Variants in ZNF365 observed in about 807,000 individuals in gnomAD.
ZNF365 encodes the protein zinc finger protein 365.
In ZNF365, 22 loss-of-function variants were observed where a neutral mutation model predicts 35.0. That is an observed-to-expected ratio of 0.63 (90% CI 0.45 to 0.90). ZNF365 has a LOEUF of 0.90. Ranked by LOEUF, ZNF365 falls within the 40% of genes least tolerant of loss-of-function variation. The probability of loss-of-function intolerance (pLI) is 0.00; values close to 1 mark genes in which losing one functional copy is unlikely to be tolerated. For missense variants in ZNF365, 448 were observed against 500.3 expected, an observed-to-expected ratio of 0.90 and a Z score of 1.00; for synonymous variants, 188 against 196.2, an observed-to-expected ratio of 0.96 and a Z score of 0.35.
intron 3 of ZNF365, among the ~76,000 whole-genome samples, chr10:62,455,264 A>C (rs775432501): frequency 2.6e-4 from 39 of 152,142 alleles, no homozygotes; most frequent in Non-Finnish European, 2.2e-4. Context: ...AGCCAGGAGG[A>C]TTTTGTAATA....
Position 62,401,200 on chromosome 10 carries a change from T to C in ZNF365, c.*1411T>C, listed in dbSNP as rs1447801182. On this transcript the variant is annotated 3_prime_UTR_variant, in exon 5 of 5. Coordinates refer to ENST00000395254, the MANE Select transcript of ZNF365 (RefSeq NM_014951.3). Reference sequence around the variant, plus strand: ...ATATTAATAATTTATTTTTAAATACTCATGGAGAAAGTGTGTGTTTGTGGT... The same window carrying C: ...ATATTAATAATTTATTTTTAAATACCCATGGAGAAAGTGTGTGTTTGTGGT... The C allele has an allele frequency of 1.0e-6, 1 of 982,296 alleles. No homozygotes were observed. The highest frequency in any genetic ancestry group is 1.8e-5 in the African/African-American group (1 of 57,140). 60.8% of individuals were successfully genotyped at this position (982,296 alleles called of 1,614,324 possible).
chr10:62,473,710 A>T (rs961561881), intron 4 of ZNF365, among the ~76,000 whole-genome samples: 1 of 152,082 alleles, frequency 6.6e-6, no homozygotes, highest in Non-Finnish European at 1.5e-5. Flanking sequence ...GTTACTATTC[A>T]CCTATAAATT....
rs1055746019 is a variant in ZNF365, at chr10:62,400,710, C to T, written c.*921C>T. On this transcript the variant is annotated 3_prime_UTR_variant, in exon 5 of 5. Transcript: ENST00000395254. Reference sequence around the variant, plus strand: ...AAGCCCTTTCCTAAGACCTGCTTCCCGGCCAGTGTCAGTGGCCCTCTCTCT... The same window carrying T: ...AAGCCCTTTCCTAAGACCTGCTTCCTGGCCAGTGTCAGTGGCCCTCTCTCT... 37 of 985,542 alleles carry T rather than the reference C, an allele frequency of 3.8e-5. No homozygotes were observed. Among genetic ancestry groups the T allele is most frequent in the Non-Finnish European group, 4.2e-5 (35 of 830,040 alleles). The allele number at this position is 985,542 out of a possible 1,614,324, so 61.0% of individuals were successfully genotyped here.
At chr10:62,462,655 A>T (rs1840866551) in intron 4 of ZNF365, among the ~76,000 whole-genome samples, 1 of 152,218 alleles carries the variant, frequency 6.6e-6, no homozygotes, top group East Asian at 1.9e-4. Flanking sequence ...ACTCTGTAAG[A>T]CCCAGACTTT....
At chr10:62,392,040 G>C (rs1452451560) in intron 3 of ZNF365, among the ~76,000 whole-genome samples, 1 of 152,112 alleles carries the variant, frequency 6.6e-6, no homozygotes, top group South Asian at 2.1e-4. Context: ...TTGGCCATTT[G>C]TATATCTTCT....
chr10:62,456,136 A>G (rs1255306968), intron 3 of ZNF365, among the ~76,000 whole-genome samples: 1 of 152,180 alleles, frequency 6.6e-6, no homozygotes, highest in Non-Finnish European at 1.5e-5. Context: ...AAATGCTGCT[A>G]CTGTGAACAA....
Position 62,392,723 on chromosome 10 carries a change from C to T in ZNF365, c.924+4147C>T, listed in dbSNP as rs188621135. Among the ~76,000 whole-genome samples, 229 of 152,190 alleles carry T rather than the reference C, an allele frequency of 1.5e-3. 1 individual carries two copies. The highest frequency in any genetic ancestry group is 2.6e-3 in the Non-Finnish European group (178 of 68,006). On this transcript the variant is annotated intron_variant, in intron 3 of 4. Transcript: ENST00000395254. ...TCGGCTCACTGCAACCTCCACCTCT[C>T]GGGTTCAAGTGATTCTCCTGCCTCA...
chr10:62,470,431 G>T (rs1311011608), intron 4 of ZNF365, among the ~76,000 whole-genome samples: 2 of 152,208 alleles, frequency 1.3e-5, no homozygotes, highest in South Asian at 4.1e-4. Flanking sequence ...ATCCAGAAAT[G>T]ATCCCAGGCA....
chr10:62,456,433 C>T (rs1840762172), intron 3 of ZNF365, among the ~76,000 whole-genome samples: 2 of 152,114 alleles, frequency 1.3e-5, no homozygotes. Context: ...CGCCACTCCC[C>T]CACCCCTCTC....
chr10:62,479,870 G>A (rs745520218), intron 4 of ZNF365: 14 of 1,606,136 alleles, frequency 8.7e-6, no homozygotes, highest in African/African-American at 2.7e-5. Flanking sequence ...TGGCTTTTAT[G>A]ACTAGGAGTC....
intron 2 of ZNF365, among the ~76,000 whole-genome samples, chr10:62,385,589 A>C (rs1839512300): frequency 6.6e-6 from 1 of 152,200 alleles, no homozygotes; most frequent in Admixed American, 6.5e-5. Flanking sequence ...GTAAATGTGC[A>C]CAGAGATAAA....
chr10:62,446,151 G>C (rs947979094), intron 3 of ZNF365, among the ~76,000 whole-genome samples: 1 of 152,130 alleles, frequency 6.6e-6, no homozygotes, highest in African/African-American at 2.4e-5. Context: ...CAGGAGTCCC[G>C]CAGTTCTATT....
At chr10:62,431,505 CTGTTA>C (rs1444325906) in intron 3 of ZNF365, among the ~76,000 whole-genome samples, 1 of 92,644 alleles carries the variant, frequency 1.1e-5, no homozygotes, top group Non-Finnish European at 2.6e-5. Flanking sequence ...TAGTCTAATG[CTGTTA>C]ATAGTCTAAT....
intron 3 of ZNF365, among the ~76,000 whole-genome samples, chr10:62,447,728 C>G (rs1840613726): frequency 6.6e-6 from 1 of 152,126 alleles, no homozygotes; most frequent in South Asian, 2.1e-4. Context: ...ATCACGCTTC[C>G]CTGGAAACTC....
intron 3 of ZNF365, among the ~76,000 whole-genome samples, chr10:62,432,837 A>C (rs994751404): frequency 1.3e-5 from 2 of 152,292 alleles, no homozygotes; most frequent in African/African-American, 2.4e-5. Context: ...CAGGAAGAAG[A>C]CCACTTCTTT....
chr10:62,424,468 G>A (rs1840221943), intron 3 of ZNF365, among the ~76,000 whole-genome samples: 1 of 152,160 alleles, frequency 6.6e-6, no homozygotes, highest in Admixed American at 6.5e-5. Flanking sequence ...GGATAATTGA[G>A]AAAATAGTCA....
intron 3 of ZNF365, among the ~76,000 whole-genome samples, chr10:62,457,187 G>C (rs1408992616): frequency 2.6e-5 from 4 of 152,144 alleles, no homozygotes; most frequent in Non-Finnish European, 5.9e-5. Flanking sequence ...ACAAACATGT[G>C]TACCCTATGC....
intron 2 of ZNF365, among the ~76,000 whole-genome samples, chr10:62,378,894 A>C (rs1564566300): frequency 6.6e-6 from 1 of 152,190 alleles, no homozygotes; most frequent in East Asian, 1.9e-4. Flanking sequence ...GATGCATTTA[A>C]CCAGTTTGTT....
intron 2 of ZNF365, among the ~76,000 whole-genome samples, chr10:62,384,475 A>C (rs758555605): frequency 1.3e-5 from 2 of 152,230 alleles, no homozygotes; most frequent in African/African-American, 2.4e-5. Context: ...TTTTATGAAA[A>C]ATAACTGTTT....
Sources: gnomAD v4.1 joint callset for allele counts (sites outside exome capture counted in the v4.1 genomes callset) on GRCh38, gnomAD v4.1.1 for gene constraint, MANE v1.5 for transcripts, NCBI Gene and HGNC (gene_info 2026-07-23, HGNC 2026-07-21) for gene names.